Variants in GALNT13 observed in about 807,000 individuals in gnomAD.
GALNT13 encodes polypeptide N-acetylgalactosaminyltransferase 13.
Under a neutral mutation model 64.2 loss-of-function variants are expected in GALNT13, and 28 were observed. That is an observed-to-expected ratio of 0.44 (90% CI 0.32 to 0.60). The LOEUF (loss-of-function observed/expected upper bound fraction) is 0.60, where lower values mean the gene tolerates loss of function less well. Ranked by LOEUF, GALNT13 falls within the 20% of genes least tolerant of loss-of-function variation. The probability of loss-of-function intolerance (pLI) is 0.05; values close to 1 mark genes in which losing one functional copy is unlikely to be tolerated. For missense variants in GALNT13, 577 were observed against 669.8 expected, an observed-to-expected ratio of 0.86 and a Z score of 1.53; for synonymous variants, 214 against 224.6, an observed-to-expected ratio of 0.95 and a Z score of 0.42.
chr2:153,659,315 C>G, the GALNT13 span, among the ~76,000 whole-genome samples: 1 of 152,142 alleles, frequency 6.6e-6, no homozygotes, highest in East Asian at 1.9e-4. Flanking sequence ...CCCCCCCATC[C>G]CTTGAGATTA....
chr2:154,287,143 G>A (rs1314984044), intron 8 of GALNT13: 4 of 1,446,030 alleles, frequency 2.8e-6, no homozygotes, highest in Non-Finnish European at 3.8e-6. Flanking sequence ...TTGAGAAGGA[G>A]TTCACAGAAG....
At chr2:153,428,963 C>A in the GALNT13 span, among the ~76,000 whole-genome samples, 3 of 152,054 alleles carry the variant, frequency 2.0e-5, no homozygotes, top group Admixed American at 6.6e-5. Context: ...GTCCAGTCAC[C>A]AAATACCCTC....
At chr2:153,824,976 G>A in the GALNT13 span, among the ~76,000 whole-genome samples, 6 of 152,256 alleles carry the variant, frequency 3.9e-5, no homozygotes, top group East Asian at 9.7e-4. Context: ...GTCTCAGGTA[G>A]TTCTTTATAA....
the GALNT13 span, among the ~76,000 whole-genome samples, chr2:153,851,212 T>C: frequency 6.6e-6 from 1 of 152,162 alleles, no homozygotes; most frequent in Non-Finnish European, 1.5e-5. Context: ...ATACAATTCT[T>C]GTCAGCAACA....
At chr2:153,154,013 T>G in the GALNT13 span, among the ~76,000 whole-genome samples, 5 of 149,720 alleles carry the variant, frequency 3.3e-5, no homozygotes, top group African/African-American at 9.7e-5. Flanking sequence ...TGATATTGAT[T>G]ATTCCTATCC....
At chr2:153,846,453 T>C in the GALNT13 span, among the ~76,000 whole-genome samples, 1 of 152,128 alleles carries the variant, frequency 6.6e-6, no homozygotes, top group East Asian at 1.9e-4. Flanking sequence ...TTAAAAATCA[T>C]GATAAATATT....
chr2:153,750,091 A>C, the GALNT13 span, among the ~76,000 whole-genome samples: 1 of 151,896 alleles, frequency 6.6e-6, no homozygotes, highest in South Asian at 2.1e-4. Flanking sequence ...GGATCATATG[A>C]TTTTTATCCT....
At chr2:154,021,185 C>T (rs1026435316) in intron 3 of GALNT13, among the ~76,000 whole-genome samples, 2 of 152,152 alleles carry the variant, frequency 1.3e-5, no homozygotes, top group African/African-American at 4.8e-5. Context: ...GCGATGCGGG[C>T]TCTTTTTTGG....
the GALNT13 span, among the ~76,000 whole-genome samples, chr2:153,789,222 C>G: frequency 6.6e-6 from 1 of 152,012 alleles, no homozygotes; most frequent in African/African-American, 2.4e-5. Context: ...TCAACAAATG[C>G]AAAGAACCGA....
chr2:153,730,382 T>C, the GALNT13 span, among the ~76,000 whole-genome samples: 1,315 of 151,802 alleles, frequency 8.7e-3, 25 homozygotes, highest in African/African-American at 0.03. Flanking sequence ...ACTAGAAAAA[T>C]TGGATAGCTA....
the GALNT13 span, among the ~76,000 whole-genome samples, chr2:153,585,438 T>C: frequency 1.3e-4 from 20 of 152,258 alleles, no homozygotes; most frequent in Admixed American, 1.3e-3. Flanking sequence ...ACTATGTTGG[T>C]TGAACACACT....
At chr2:154,233,759 T>A (rs763017599) in intron 4 of GALNT13, among the ~76,000 whole-genome samples, 10 of 152,098 alleles carry the variant, frequency 6.6e-5, no homozygotes, top group Non-Finnish European at 1.5e-4. Flanking sequence ...CAAAATTTGG[T>A]AACCAGACAG....
the GALNT13 span, among the ~76,000 whole-genome samples, chr2:153,149,924 G>A: frequency 1.3e-5 from 2 of 151,788 alleles, no homozygotes; most frequent in African/African-American, 4.8e-5. Flanking sequence ...AATGGCAGGG[G>A]TTTTTTTTGC....
chr2:153,440,977 T>G, the GALNT13 span, among the ~76,000 whole-genome samples: 2 of 152,204 alleles, frequency 1.3e-5, no homozygotes, highest in East Asian at 3.8e-4. Flanking sequence ...CAATATTGGC[T>G]TTTGTTGCCA....
At chr2:153,094,012 C>G in the GALNT13 span, among the ~76,000 whole-genome samples, 1 of 151,816 alleles carries the variant, frequency 6.6e-6, no homozygotes, top group Non-Finnish European at 1.5e-5. Context: ...TCTGCAGTAT[C>G]AATTGTAATG....
At chr2:153,278,116 C>G in the GALNT13 span, among the ~76,000 whole-genome samples, 2 of 151,290 alleles carry the variant, frequency 1.3e-5, 1 homozygote, top group South Asian at 4.2e-4. Flanking sequence ...TTAATAGAGA[C>G]AGGGTTATAG....
chr2:153,212,595 T>C, the GALNT13 span, among the ~76,000 whole-genome samples: 2 of 152,190 alleles, frequency 1.3e-5, no homozygotes, highest in African/African-American at 2.4e-5. Context: ...CTAGGACTTT[T>C]ACTAGGCAAA....
At chr2:154,340,606 C>T (rs1231321851) in intron 9 of GALNT13, among the ~76,000 whole-genome samples, 1 of 151,926 alleles carries the variant, frequency 6.6e-6, no homozygotes, top group Non-Finnish European at 1.5e-5. Flanking sequence ...TCCTTTTCTT[C>T]CATAGCTGAA....
chr2:154,198,983 T>C (rs1175400938), intron 4 of GALNT13, among the ~76,000 whole-genome samples: 3 of 152,058 alleles, frequency 2.0e-5, no homozygotes, highest in Non-Finnish European at 4.4e-5. Context: ...TAATGCTGAC[T>C]TTTCCAACAA....
Sources: gnomAD v4.1 joint callset for allele counts (sites outside exome capture counted in the v4.1 genomes callset) on GRCh38, gnomAD v4.1.1 for gene constraint, MANE v1.5 for transcripts, NCBI Gene and HGNC (gene_info 2026-07-23, HGNC 2026-07-21) for gene names.